Variants in NFYA observed in about 807,000 individuals in gnomAD.
NFYA encodes the protein CAAT-box DNA binding protein subunit A.
A neutral mutation model predicts 52.8 loss-of-function variants in NFYA; 28 were observed. The ratio of observed to expected loss-of-function variants is 0.53; its 90% CI spans 0.39 to 0.73. NFYA has a LOEUF of 0.73. Among genes scored for constraint, NFYA ranks in the 30% least tolerant of loss-of-function variants. The probability of loss-of-function intolerance (pLI) is 0.00; values close to 1 mark genes in which losing one functional copy is unlikely to be tolerated. For synonymous variants in NFYA, 150 were observed against 150.7 expected (o/e 1.00, Z 0.03); for missense variants, 234 against 427.0 (o/e 0.55, Z 3.98).
chr6:41,085,055 CA>C (rs564190493), intron 4 of NFYA, among the ~76,000 whole-genome samples: 2 of 146,192 alleles, frequency 1.4e-5, no homozygotes, highest in East Asian at 4.0e-4. Context: ...ATCGAGATGG[CA>C]AAAAAAAACA....
intron 2 of NFYA, among the ~76,000 whole-genome samples, chr6:41,080,551 A>T (rs1294976037): frequency 6.6e-6 from 1 of 152,202 alleles, no homozygotes; most frequent in African/African-American, 2.4e-5. Context: ...GGAGGGAAAG[A>T]TTGCATTACA....
chr6:41,090,374 A>G, intron 6 of NFYA, 65 bp downstream of exon 6: 1 of 942,892 alleles, frequency 1.1e-6, no homozygotes, highest in Non-Finnish European at 1.7e-6. Flanking sequence ...TAGACAACTG[A>G]CATCTTTAGA....
At chr6:41,081,081 A>T (rs1435664043) in intron 3 of NFYA, among the ~76,000 whole-genome samples, 184 bp downstream of exon 3, 2 of 152,238 alleles carry the variant, frequency 1.3e-5, no homozygotes, top group Non-Finnish European at 2.9e-5. Context: ...AGTCATATAG[A>T]GACCCCGTAT....
At chr6:41,084,275 A>C in intron 4 of NFYA, 83 bp downstream of exon 4, 1 of 1,473,058 alleles carries the variant, frequency 6.8e-7, no homozygotes, top group South Asian at 1.3e-5. Flanking sequence ...TTGATAATTG[A>C]TATTGCATTT....
At chr6:41,095,325 A>G (rs2113823429) in intron 9 of NFYA, among the ~76,000 whole-genome samples, 1 of 152,316 alleles carries the variant, frequency 6.6e-6, no homozygotes. Context: ...ACTTCCTGCC[A>G]CGGGTCTTTG....
At chr6:41,089,335 G>A (rs762692618) in intron 4 of NFYA, among the ~76,000 whole-genome samples, 13 of 152,152 alleles carry the variant, frequency 8.5e-5, no homozygotes, top group Non-Finnish European at 1.8e-4. Context: ...TCATACCACT[G>A]CTATCTTTCA....
intron 1 of NFYA, among the ~76,000 whole-genome samples, chr6:41,077,440 C>A (rs1763770411): frequency 6.6e-6 from 1 of 152,194 alleles, no homozygotes; most frequent in Admixed American, 6.5e-5. Context: ...GATCCATTTT[C>A]TGTCTCTAGA....
intron 1 of NFYA, among the ~76,000 whole-genome samples, chr6:41,075,890 C>A (rs1376881502): frequency 6.6e-6 from 1 of 152,150 alleles, no homozygotes; most frequent in African/African-American, 2.4e-5. Flanking sequence ...TCAGAGATTT[C>A]TTTTTATTTT....
At chr6:41,085,557 T>G (rs1764022687) in intron 4 of NFYA, among the ~76,000 whole-genome samples, 1 of 152,226 alleles carries the variant, frequency 6.6e-6, no homozygotes, top group Non-Finnish European at 1.5e-5. Flanking sequence ...TTAGTTACTC[T>G]ATCTAAATGT....
intron 5 of NFYA, 81 bp from the exon 6 acceptor site, chr6:41,090,123 A>T (rs1268366358): frequency 3.4e-5 from 28 of 814,858 alleles, no homozygotes; most frequent in East Asian, 1.2e-4. Flanking sequence ...CAAAAAAATA[A>T]TTTTTTTTTT....
At chr6:41,085,921 G>C (rs564145130) in intron 4 of NFYA, among the ~76,000 whole-genome samples, 1 of 152,188 alleles carries the variant, frequency 6.6e-6, no homozygotes, top group Admixed American at 6.5e-5. Flanking sequence ...CTTTGGATTG[G>C]GGATTGCTTG....
In NFYA at chr6:41,080,901, G is replaced by A. The variant is rs756996854; in HGVS notation, c.162+4G>A. On this transcript the variant is annotated splice_donor_region_variant and intron_variant, in intron 3 of 9. Coordinates refer to ENST00000341376, the MANE Select transcript of NFYA (RefSeq NM_002505.5). ...GCAAGTCCAGACCCTCCAGGTAGTGGTACCCTCTCTGATTCTCTGTGAGCA... is the reference window on the plus strand; with the variant it reads ...GCAAGTCCAGACCCTCCAGGTAGTGATACCCTCTCTGATTCTCTGTGAGCA... 1 of 1,612,358 alleles carries A rather than the reference G, an allele frequency of 6.2e-7. No individual in the cohort carries two copies. Among genetic ancestry groups the A allele is most frequent in the South Asian group, 1.1e-5 (1 of 91,044 alleles).
Position 41,079,025 on chromosome 6 carries a change from A to G in NFYA, c.-61-4A>G. 6.9e-7 allele frequency: 1 copy of G among 1,447,736 alleles called. No homozygotes were observed. The highest frequency in any genetic ancestry group is 9.6e-7 in the Non-Finnish European group (1 of 1,037,984). The allele number at this position is 1,447,736 out of a possible 1,614,324, so 89.7% of individuals were successfully genotyped here. ...TTTAGTTTCTTTCCCCACCTTTCTA[A>G]CAGGAGTGTACCTCACAGCCTTCTA... On this transcript the variant is annotated splice_region_variant and splice_polypyrimidine_tract_variant and intron_variant, in intron 1 of 9. Transcript: ENST00000341376.
At position 41,089,572 on chromosome 6, in the gene NFYA, T is replaced by C. The variant is rs1336281184; in HGVS notation, c.310-7T>C. 6.2e-7 allele frequency: 1 copy of C among 1,602,552 alleles called. No individual in the cohort carries two copies. The highest frequency in any genetic ancestry group is 8.5e-7 in the Non-Finnish European group (1 of 1,175,572). On this transcript the variant is annotated splice_polypyrimidine_tract_variant and splice_region_variant and intron_variant, in intron 4 of 9. Transcript: ENST00000341376. ...GTACAATCCTTTTTTTATGTTCTTT[T>C]CTGCAGATACAGTTGGTCCCACCTG...
intron 4 of NFYA, among the ~76,000 whole-genome samples, chr6:41,085,739 GGGTTGTGTTTTC>G (rs1452387127): frequency 6.8e-6 from 1 of 146,316 alleles, no homozygotes; most frequent in Non-Finnish European, 1.5e-5. Flanking sequence ...CATGCATGTG[GGGTTGTGTTTTC>G]ATTTTTTTTT....
rs1764394026 is a variant in NFYA at position 41,097,461 on chromosome 6, G to A, written c.*51G>A. 1 of 1,582,860 alleles carries A rather than the reference G, an allele frequency of 6.3e-7. No homozygotes were observed. Among genetic ancestry groups the A allele is most frequent in the African/African-American group, 1.3e-5 (1 of 74,340 alleles). On this transcript the variant is annotated 3_prime_UTR_variant, in exon 10 of 10. Transcript: ENST00000341376. ...CAAGGTCATGTTTCTCACTGTTCCAGGAAATTGATCAACTCTTCCAATGGG... is the reference window on the plus strand; with the variant it reads ...CAAGGTCATGTTTCTCACTGTTCCAAGAAATTGATCAACTCTTCCAATGGG...
chr6:41,075,935 ATAAT>A (rs1198875152), intron 1 of NFYA, among the ~76,000 whole-genome samples: 2 of 152,186 alleles, frequency 1.3e-5, no homozygotes, highest in African/African-American at 2.4e-5. Context: ...CACATGGTAC[ATAAT>A]TAGTGGAGAG....
chr6:41,079,316 A>G, intron 2 of NFYA, 152 bp downstream of exon 2: 1 of 679,566 alleles, frequency 1.5e-6, no homozygotes, highest in Non-Finnish European at 2.5e-6. Flanking sequence ...TGCCATGTCT[A>G]GCCCATGACC....
chr6:41,080,873 C>T lies in NFYA; in HGVS notation c.138C>T (p.Gly46=), dbSNP rs763994434. The change falls in exon 3 of 10, where the codon GGC becomes GGT. Residue 46 remains glycine (G), a synonymous_variant. Coordinates refer to ENST00000341376, the MANE Select transcript of NFYA (RefSeq NM_002505.5). The stretch of plus-strand genomic sequence containing the variant: ...AGGCCCAGGTGGCATCCGCCTCAGG[C>T]CAGCAAGTCCAGACCCTCCAGGTAG... ...QTEAQVASAS[G]QQVQTLQVVQ... The T allele has an allele frequency of 1.2e-6, 2 of 1,613,960 alleles. No homozygotes were observed. The highest frequency in any genetic ancestry group is 1.7e-6 in the Non-Finnish European group (2 of 1,179,842).
Sources: gnomAD v4.1 joint callset for allele counts (sites outside exome capture counted in the v4.1 genomes callset) on GRCh38, gnomAD v4.1.1 for gene constraint, MANE v1.5 for transcripts, NCBI Gene and HGNC (gene_info 2026-07-23, HGNC 2026-07-21) for gene names.